SLC38A6: variants seen among roughly 807,000 people sequenced by gnomAD.
SLC38A6 encodes solute carrier family 38 member 6.
In SLC38A6, 73 loss-of-function variants were observed where a neutral mutation model predicts 65.0. That is an observed-to-expected ratio of 1.12 (90% confidence interval 0.93 to 1.37). SLC38A6 has a LOEUF of 1.37. SLC38A6 is among the 40% of genes most tolerant of loss of function. The pLI, the probability that SLC38A6 is intolerant of heterozygous loss-of-function variation, is 0.00. For synonymous variants in SLC38A6, 183 were observed against 178.8 expected, an observed-to-expected ratio of 1.02 and a Z score of -0.19; for missense variants, 561 against 531.1, an observed-to-expected ratio of 1.06 and a Z score of -0.55.
rs1228560785 is a variant in SLC38A6, at chr14:61,052,094, A to C, written c.1249A>C (p.Lys417Gln). Residue 417 changes from lysine (K) to glutamine (Q), a missense_variant, in exon 15 of 16, where the codon AAA becomes CAA. Lys to Gln is a moderately conservative substitution (Grantham distance 53, BLOSUM62 1). Transcript: ENST00000267488. The stretch of plus-strand genomic sequence containing the variant: ...TATATTCCCAGGACTATTTTATCTT[A>C]AACTTAGCAGAGAGGATTTTCTGTC... ...IFIFPGLFYL[K>Q]LSREDFLSWK... The C allele has an allele frequency of 6.3e-7, 1 of 1,577,620 alleles. No individual in the cohort carries two copies. Among genetic ancestry groups the C allele is most frequent in the Non-Finnish European group, 8.5e-7 (1 of 1,170,956 alleles).
At chr14:61,001,414 TG>T (rs1566628580) in intron 3 of SLC38A6, among the ~76,000 whole-genome samples, 1 of 152,234 alleles carries the variant, frequency 6.6e-6, no homozygotes, top group African/African-American at 2.4e-5. Context: ...CTGAATTTTT[TG>T]TTATTGAGTT....
intron 5 of SLC38A6, among the ~76,000 whole-genome samples, chr14:61,028,289 A>C (rs950286729): frequency 6.6e-5 from 10 of 152,188 alleles, no homozygotes; most frequent in Non-Finnish European, 1.2e-4. Flanking sequence ...TCCAAGCAAG[A>C]AAGAAAGATG....
intron 3 of SLC38A6, among the ~76,000 whole-genome samples, chr14:61,010,184 T>G (rs929601731): frequency 2.6e-5 from 4 of 152,344 alleles, no homozygotes; most frequent in African/African-American, 9.6e-5. Flanking sequence ...TGTCTTCTTT[T>G]GAGAAGTGTC....
chr14:60,982,483 C>T (rs760056448), intron 1 of SLC38A6, 25 bp from the exon 2 acceptor site: 2 of 1,595,618 alleles, frequency 1.3e-6, no homozygotes, highest in East Asian at 4.5e-5. Context: ...AAACATTTAA[C>T]ACTACTAAAT....
At chr14:61,014,234 T>G (rs563006440) in intron 3 of SLC38A6, among the ~76,000 whole-genome samples, 3 of 152,346 alleles carry the variant, frequency 2.0e-5, no homozygotes, top group East Asian at 3.9e-4. Flanking sequence ...TTCAGCTCCA[T>G]CAGGTCCTTT....
chr14:61,007,711 G>A (rs1001213205), intron 3 of SLC38A6, among the ~76,000 whole-genome samples: 1 of 14,262 alleles, frequency 7.0e-5, no homozygotes, highest in African/African-American at 1.8e-4. Flanking sequence ...CGATATAAGT[G>A]ACATATCAGA....
intron 3 of SLC38A6, among the ~76,000 whole-genome samples, chr14:61,012,429 T>G (rs2039650226): frequency 6.6e-6 from 1 of 152,188 alleles, no homozygotes; most frequent in South Asian, 2.1e-4. Flanking sequence ...TCTGCTAGCT[T>G]TTGAATGTGT....
At position 61,046,180 on chromosome 14, in the gene SLC38A6, T is replaced by A; in HGVS notation, c.925+13T>A. On this transcript the variant is annotated intron_variant, in intron 12 of 15. Transcript: ENST00000267488. ...CTCACTTTTTATGGTAAGTACATTT[T>A]AAAATTATAGATGACAAAATAATAG... The A allele has an allele frequency of 1.3e-6, 2 of 1,505,916 alleles. No individual in the cohort carries two copies. Among genetic ancestry groups the A allele is most frequent in the Non-Finnish European group, 1.8e-6 (2 of 1,087,100 alleles). The allele number at this position is 1,505,916 out of a possible 1,614,324, so 93.3% of individuals were successfully genotyped here. A position where few individuals can be genotyped will look rare whatever the true frequency, so the allele number is the denominator to read the frequency against.
At chr14:61,043,076 C>G in intron 8 of SLC38A6, 71 bp from the exon 9 acceptor site, 2 of 926,428 alleles carry the variant, frequency 2.2e-6, no homozygotes, top group Non-Finnish European at 3.4e-6. Context: ...ATGATACTGA[C>G]CTATTTCAAT....
At chr14:61,062,974 C>T (rs981154423) in intron 15 of SLC38A6, among the ~76,000 whole-genome samples, 1 of 152,290 alleles carries the variant, frequency 6.6e-6, no homozygotes, top group East Asian at 1.9e-4. Context: ...CTACCATGCC[C>T]AGCCAATTTC....
intron 3 of SLC38A6, among the ~76,000 whole-genome samples, chr14:61,002,941 A>G (rs555360591): frequency 1.9e-4 from 29 of 152,288 alleles, no homozygotes; most frequent in African/African-American, 6.5e-4. Context: ...GGAATATGCT[A>G]TTAATGTAAC....
intron 3 of SLC38A6, among the ~76,000 whole-genome samples, chr14:61,005,359 G>A (rs2139414503): frequency 4.1e-5 from 2 of 48,494 alleles, no homozygotes; most frequent in South Asian, 9.6e-4. Flanking sequence ...AGGAAATAAA[G>A]GATATTCAAT....
intron 4 of SLC38A6, among the ~76,000 whole-genome samples, chr14:61,016,561 G>A (rs879220430): frequency 6.6e-6 from 1 of 152,126 alleles, no homozygotes; most frequent in Admixed American, 6.5e-5. Flanking sequence ...TATTTATGGG[G>A]CACCCACTTG....
At chr14:61,045,206 T>C in intron 10 of SLC38A6, 140 bp from the exon 11 acceptor site, 3 of 587,400 alleles carry the variant, frequency 5.1e-6, no homozygotes, top group Non-Finnish European at 8.9e-6. Flanking sequence ...AAAATTCTTA[T>C]TTTATAAAGA....
At chr14:60,985,842 T>C (rs2037413247) in intron 3 of SLC38A6, among the ~76,000 whole-genome samples, 6 of 152,130 alleles carry the variant, frequency 3.9e-5, no homozygotes, top group Admixed American at 3.9e-4. Context: ...TTTCATTCAT[T>C]GTGGAAGGTG....
In SLC38A6 at chr14:61,030,444, G is replaced by A; in HGVS notation, c.404-1G>A. On this transcript the variant is annotated splice_acceptor_variant, in intron 5 of 15. Transcript: ENST00000267488. LOFTEE classifies it high-confidence loss of function. ...TAGGAACACTATTTATTCTTTTGCA[G>A]CTATGTCATCTTATCTTTTAATTAT... 1 of 1,599,056 alleles carries A rather than the reference G, an allele frequency of 6.3e-7. No homozygotes were observed. Among genetic ancestry groups the A allele is most frequent in the Non-Finnish European group, 8.5e-7 (1 of 1,172,846 alleles).
At position 61,037,073 on chromosome 14, in the gene SLC38A6, A is replaced by G. The variant is rs1354645549; in HGVS notation, c.497A>G (p.Asp166Gly). 1 of 1,612,044 alleles carries G rather than the reference A, an allele frequency of 6.2e-7. No homozygotes were observed. Among genetic ancestry groups the G allele is most frequent in the South Asian group, 1.1e-5 (1 of 90,952 alleles). The change falls in exon 7 of 16, where the codon GAT becomes GGT. Residue 166 changes from aspartate to glycine, a missense_variant. Transcript: ENST00000267488. ...TTTTATAATAGATATTGGTATCTTG[A>G]TGGACAAACACTACTAATAATCATA... Reference protein sequence around the residue: ...TGDYSRYWYLDGQTLLIIICV... With the variant: ...TGDYSRYWYLGGQTLLIIICV...
intron 3 of SLC38A6, among the ~76,000 whole-genome samples, chr14:61,013,123 C>T (rs1215728753): frequency 6.6e-6 from 1 of 152,166 alleles, no homozygotes; most frequent in African/African-American, 2.4e-5. Context: ...GAATTGATCC[C>T]TTTACCATTA....
chr14:61,009,353 A>C (rs1420675415), intron 3 of SLC38A6, among the ~76,000 whole-genome samples: 1 of 152,122 alleles, frequency 6.6e-6, no homozygotes, highest in East Asian at 1.9e-4. Flanking sequence ...CCTTATATTG[A>C]TTAGAAACTT....
Sources: allele counts gnomAD v4.1 joint callset (sites outside exome capture counted in the v4.1 genomes callset), GRCh38; gene constraint gnomAD v4.1.1; transcripts MANE v1.5; gene names NCBI Gene and HGNC (gene_info 2026-07-23, HGNC 2026-07-21).